Variants in ZFHX3 observed in about 807,000 individuals in gnomAD.
ZFHX3 encodes the protein zinc finger homeobox 3, also known as zinc finger homeobox protein 3.
A neutral mutation model predicts 279.1 loss-of-function variants in ZFHX3; 42 were observed. The observed-to-expected ratio is 0.15, with a 90% CI of 0.12 to 0.19. ZFHX3 has a LOEUF of 0.19. Ranked by LOEUF, ZFHX3 falls within the 10% of genes least tolerant of loss-of-function variation. ZFHX3 has a pLI of 1.00. For missense variants in ZFHX3, 4,981 were observed against 4,754.0 expected, an observed-to-expected ratio of 1.05 and a Z score of -1.40; for synonymous variants, 2,293 against 1,957.8, an observed-to-expected ratio of 1.17 and a Z score of -4.52.
At chr16:73,511,947 C>T (rs2019434950) in intron 2 of ZFHX3, among the ~76,000 whole-genome samples, 1 of 152,128 alleles carries the variant, frequency 6.6e-6, no homozygotes, top group Non-Finnish European at 1.5e-5. Flanking sequence ...CCAACATGAG[C>T]CAGGTTCCCG....
chr16:73,408,927 T>A (rs2017415370), intron 3 of ZFHX3, among the ~76,000 whole-genome samples: 1 of 152,030 alleles, frequency 6.6e-6, no homozygotes, highest in African/African-American at 2.4e-5. Context: ...CGCCAAAGAT[T>A]ATCCCACCCC....
chr16:73,134,144 C>T (rs969381356), intron 6 of ZFHX3, among the ~76,000 whole-genome samples: 5 of 152,032 alleles, frequency 3.3e-5, no homozygotes, highest in Non-Finnish European at 5.9e-5. Context: ...TATCCAAGGT[C>T]TCACAGATAG....
intron 2 of ZFHX3, among the ~76,000 whole-genome samples, chr16:73,500,612 C>T (rs1183445286): frequency 6.7e-6 from 1 of 149,348 alleles, no homozygotes; most frequent in African/African-American, 2.5e-5. Flanking sequence ...CAGGTGTGAG[C>T]CACTGCACCC....
At chr16:73,021,334 G>A (rs543117962) in intron 1 of ZFHX3, among the ~76,000 whole-genome samples, 2 of 152,290 alleles carry the variant, frequency 1.3e-5, no homozygotes, top group African/African-American at 4.8e-5. Flanking sequence ...AAATCTTGCA[G>A]TCACCCTTGA....
At position 73,259,749 on chromosome 16, in the gene ZFHX3, A is replaced by G. The variant is rs142650443; in HGVS notation, c.-1193-2613T>C. Among the ~76,000 whole-genome samples, 665 of 152,360 alleles carry G rather than the reference A, an allele frequency of 4.4e-3. 4 individuals carry two copies. The highest frequency in any genetic ancestry group is 0.015 in the African/African-American group (629 of 41,582). ...TTCTATATACCCAGATTGTCTAAACATTAACATTTTAATCACATTTGAATT... is the reference window on the plus strand; with the variant it reads ...TTCTATATACCCAGATTGTCTAAACGTTAACATTTTAATCACATTTGAATT... On this transcript the variant is annotated intron_variant, in intron 4 of 17. Coordinates refer to the ZFHX3 transcript ENST00000641206.
intron 2 of ZFHX3, among the ~76,000 whole-genome samples, chr16:73,679,341 T>C (rs973795629): frequency 2.6e-5 from 4 of 152,262 alleles, no homozygotes; most frequent in East Asian, 3.9e-4. Flanking sequence ...ATATGCCTTG[T>C]ATATTTCAGG....
chr16:73,579,241 C>G (rs943916728), intron 2 of ZFHX3, among the ~76,000 whole-genome samples: 4 of 152,250 alleles, frequency 2.6e-5, no homozygotes, highest in South Asian at 2.1e-4. Context: ...TCCTGCCTTT[C>G]CAGACCTAAC....
chr16:72,953,402 G>C (rs1961092362), intron 2 of ZFHX3, among the ~76,000 whole-genome samples: 1 of 152,130 alleles, frequency 6.6e-6, no homozygotes. Context: ...CTGCCCGGAG[G>C]GTAAGACAAG....
At chr16:73,686,530 G>A (rs1597066025) in intron 1 of ZFHX3, among the ~76,000 whole-genome samples, 1 of 152,186 alleles carries the variant, frequency 6.6e-6, no homozygotes, top group Non-Finnish European at 1.5e-5. Flanking sequence ...ATTCTTGCAT[G>A]TTCTCTGAAT....
chr16:72,926,507 TCA>T (rs1959454623), intron 3 of ZFHX3, among the ~76,000 whole-genome samples: 1 of 152,236 alleles, frequency 6.6e-6, no homozygotes, highest in Non-Finnish European at 1.5e-5. Context: ...CAGTCCTTTC[TCA>T]AATGAGCTGG....
chr16:72,941,813 G>C lies in ZFHX3; in HGVS notation c.3216+8656C>G, dbSNP rs1018653257. 2.0e-5 allele frequency among the ~76,000 whole-genome samples: 3 copies of C among 152,124 alleles called. No individual in the cohort carries two copies. The East Asian group carries it at 5.8e-4, about 29-fold the overall frequency. On this transcript the variant is annotated intron_variant, in intron 3 of 9. Coordinates refer to ENST00000268489, the MANE Select transcript of ZFHX3 (RefSeq NM_006885.4). ...TCTACAGTCGCCAGTATTTCTATGA[G>C]TGACAGATTTTCTGCCATTAGAAAA...
At chr16:73,054,235 T>C (rs1258309421) in intron 1 of ZFHX3, among the ~76,000 whole-genome samples, 1 of 152,196 alleles carries the variant, frequency 6.6e-6, no homozygotes, top group East Asian at 1.9e-4. Context: ...CTTGTAATAC[T>C]GAATTTTTAA....
rs1376102893 is a variant in ZFHX3 at position 72,798,235 on chromosome 16, C to T, written c.4447G>A (p.Glu1483Lys). The T allele has an allele frequency of 2.3e-5, 37 of 1,614,216 alleles. No individual in the cohort carries two copies. Among genetic ancestry groups the T allele is most frequent in the Non-Finnish European group, 3.0e-5 (35 of 1,180,050 alleles). ...LLAMGDPTLA[E>K]DHTIIVEEDK... ...TCCTCAACAATTATGGTATGGTCCT[C>T]TGCCAGAGTGGGGTCTCCCATTGCC... is the stretch of plus-strand genomic sequence containing the variant. The change falls in exon 9 of 10, where the codon GAG becomes AAG. Residue 1483 changes from glutamate to lysine, a missense_variant. Coordinates refer to ENST00000268489, the MANE Select transcript of ZFHX3 (RefSeq NM_006885.4).
intron 1 of ZFHX3, among the ~76,000 whole-genome samples, chr16:73,843,825 C>G (rs1961376649): frequency 6.6e-6 from 1 of 152,234 alleles, no homozygotes; most frequent in Non-Finnish European, 1.5e-5. Flanking sequence ...AACTCCACCT[C>G]TGTCGTATGA....
At chr16:72,984,105 A>G (rs1204699841) in intron 1 of ZFHX3, among the ~76,000 whole-genome samples, 4 of 152,186 alleles carry the variant, frequency 2.6e-5, no homozygotes, top group Non-Finnish European at 5.9e-5. Context: ...CACAGGCCTC[A>G]GCCCTTATCT....
intron 1 of ZFHX3, among the ~76,000 whole-genome samples, chr16:73,692,875 C>G (rs1489758988): frequency 1.3e-5 from 2 of 152,258 alleles, no homozygotes; most frequent in East Asian, 1.9e-4. Context: ...CACCAGAGCT[C>G]CGAATGAAAC....
chr16:73,290,381 T>C (rs2014738033), intron 4 of ZFHX3, among the ~76,000 whole-genome samples: 1 of 151,648 alleles, frequency 6.6e-6, no homozygotes, highest in Admixed American at 6.6e-5. Context: ...AAAAGATGAG[T>C]TGGCATGAAG....
intron 1 of ZFHX3, among the ~76,000 whole-genome samples, chr16:73,713,634 T>C (rs1489507924): frequency 6.6e-6 from 1 of 152,036 alleles, no homozygotes; most frequent in African/African-American, 2.4e-5. Flanking sequence ...TTAGCTTTTT[T>C]TTTTTTTTTA....
intron 5 of ZFHX3, among the ~76,000 whole-genome samples, chr16:72,827,315 C>T (rs1266354663): frequency 6.6e-6 from 1 of 152,176 alleles, no homozygotes; most frequent in African/African-American, 2.4e-5. Flanking sequence ...GAGCTTACAA[C>T]ATGCCAAGCA....
Sources: gnomAD v4.1 joint callset for allele counts (sites outside exome capture counted in the v4.1 genomes callset) on GRCh38, gnomAD v4.1.1 for gene constraint, MANE v1.5 for transcripts, NCBI Gene and HGNC (gene_info 2026-07-23, HGNC 2026-07-21) for gene names.